AFAP1: variants seen among roughly 807,000 people sequenced by gnomAD.
AFAP1 encodes actin filament associated protein 1.
Under a neutral mutation model 93.9 loss-of-function variants are expected in AFAP1, and 75 were observed. The ratio of observed to expected loss-of-function variants is 0.80; its 90% CI spans 0.66 to 0.97. The LOEUF is 0.97. AFAP1 is among the 50% of genes least tolerant of loss of function. AFAP1 has a pLI of 0.00. For synonymous variants in AFAP1, 517 were observed against 430.7 expected (o/e 1.20, Z -2.48); for missense variants, 1,201 against 1,050.8 (o/e 1.14, Z -1.98).
chr4:7,862,198 T>C (rs1715781203), intron 3 of AFAP1: 1 of 152,184 alleles, frequency 6.6e-6, no homozygotes, highest in South Asian at 2.1e-4. Context: ...CCAGGTGTGA[T>C]GGTGTACATC....
At chr4:7,860,523 T>C (rs1230585135) in intron 3 of AFAP1, among the ~76,000 whole-genome samples, 2 of 152,174 alleles carry the variant, frequency 1.3e-5, no homozygotes, top group Admixed American at 1.3e-4. Flanking sequence ...TGATACATAT[T>C]TTCTCTCGTT....
At chr4:7,878,502 G>A (rs1321092069) in intron 1 of AFAP1, among the ~76,000 whole-genome samples, 2 of 152,194 alleles carry the variant, frequency 1.3e-5, no homozygotes, top group African/African-American at 4.8e-5. Context: ...CTTCTCCAAG[G>A]TCAAGAACAA....
intron 3 of AFAP1, among the ~76,000 whole-genome samples, chr4:7,867,121 G>GGGAGGGGAGC (rs1560209657): frequency 1.3e-5 from 1 of 79,230 alleles, no homozygotes; most frequent in Non-Finnish European, 3.1e-5. Flanking sequence ...GGGAGGGGAG[G>GGGAGGGGAGC]GTAGGGGAGC....
Position 7,819,079 on chromosome 4 carries a change from C to T in AFAP1, c.819G>A (p.Glu273=), listed in dbSNP as rs769573345. 1.9e-6 allele frequency: 3 copies of T among 1,609,838 alleles called. No homozygotes were observed. The highest frequency in any genetic ancestry group is 4.5e-5 in the East Asian group (2 of 44,764). ...PSSPVHKAEL[E]KKLSSERPSS... ...CCAGCAAGAGCAGCGCCCTTACCTTCTCCAGTTCTGCCTTGTGCACCGGGG... is the reference window on the plus strand; with the variant it reads ...CCAGCAAGAGCAGCGCCCTTACCTTTTCCAGTTCTGCCTTGTGCACCGGGG... Residue 273 remains glutamate, a synonymous_variant, in exon 7 of 18, where the codon GAG becomes GAA. Transcript: ENST00000420658.
intron 3 of AFAP1, among the ~76,000 whole-genome samples, chr4:7,857,091 G>A (rs1243562094): frequency 6.6e-6 from 1 of 152,010 alleles, no homozygotes; most frequent in African/African-American, 2.4e-5. Flanking sequence ...TGAATAGCAT[G>A]CAACAATTTC....
At chr4:7,784,109 G>C (rs1018742948) in intron 12 of AFAP1, among the ~76,000 whole-genome samples, 8 of 152,118 alleles carry the variant, frequency 5.3e-5, no homozygotes, top group Non-Finnish European at 1.0e-4. Context: ...ATCTTAAGCA[G>C]GAAGAACTCG....
At chr4:7,898,904 AAT>A (rs1279839054) in intron 1 of AFAP1, among the ~76,000 whole-genome samples, 2 of 149,474 alleles carry the variant, frequency 1.3e-5, no homozygotes, top group Admixed American at 6.7e-5. Context: ...GAGAGGGAGA[AAT>A]ATATATGTGT....
At chr4:7,917,694 A>G (rs1181230369) in intron 1 of AFAP1, among the ~76,000 whole-genome samples, 1 of 152,130 alleles carries the variant, frequency 6.6e-6, no homozygotes. Flanking sequence ...TCTTGGTCCA[A>G]TGGCCCAAAA....
intron 12 of AFAP1, among the ~76,000 whole-genome samples, chr4:7,783,867 C>G (rs1187592577): frequency 1.3e-5 from 2 of 152,144 alleles, no homozygotes; most frequent in African/African-American, 2.4e-5. Flanking sequence ...GTGAAAGGGT[C>G]TTTGGGGGGG....
In AFAP1 at chr4:7,772,931, G is replaced by A. The variant is rs372070431; in HGVS notation, c.2142C>T (p.Val714=). 2.8e-5 allele frequency: 45 copies of A among 1,613,798 alleles called. No individual in the cohort carries two copies. Among genetic ancestry groups the A allele is most frequent in the Non-Finnish European group, 3.7e-5 (44 of 1,180,044 alleles). ...EECRQKEAER[V]SLELELTEVK... is the part of the protein sequence containing the mutation. ...CCTCCGTCAGCTCCAGCTCCAGGCT[G>A]ACACGCTCCGCCTCCTTCTGCCGGC... Residue 714 remains valine (V), a synonymous_variant, in exon 16 of 18, where the codon GTC becomes GTT. Coordinates refer to ENST00000420658, the MANE Select transcript of AFAP1 (RefSeq NM_001134647.2).
intron 4 of AFAP1, among the ~76,000 whole-genome samples, chr4:7,853,509 C>G (rs1714693862): frequency 6.6e-6 from 1 of 152,148 alleles, no homozygotes; most frequent in Admixed American, 6.5e-5. Context: ...TCTGTCCCTC[C>G]TCTTCCCCAG....
intron 7 of AFAP1, among the ~76,000 whole-genome samples, chr4:7,817,874 G>A (rs920698233): frequency 5.3e-5 from 8 of 151,466 alleles, no homozygotes. Flanking sequence ...GTGTTAAGAC[G>A]AGCTGCATCC....
chr4:7,803,782 G>A (rs1296019800), intron 9 of AFAP1, among the ~76,000 whole-genome samples: 1 of 152,246 alleles, frequency 6.6e-6, no homozygotes, highest in African/African-American at 2.4e-5. Flanking sequence ...AGCTGTAAAA[G>A]GGATGATTAT....
intron 8 of AFAP1, among the ~76,000 whole-genome samples, chr4:7,811,107 G>C (rs1719989669): frequency 6.6e-6 from 1 of 152,220 alleles, no homozygotes; most frequent in Admixed American, 6.5e-5. Context: ...CAGCACTGGA[G>C]CTGAGGGGAG....
chr4:7,782,257 G>A (rs1488417710), intron 12 of AFAP1, among the ~76,000 whole-genome samples: 4 of 152,354 alleles, frequency 2.6e-5, no homozygotes, highest in East Asian at 3.9e-4. Context: ...ATCCCCACGC[G>A]GTGCTCCCGC....
At chr4:7,766,019 G>T (rs1320798589) in intron 17 of AFAP1, among the ~76,000 whole-genome samples, 1 of 152,186 alleles carries the variant, frequency 6.6e-6, no homozygotes, top group Non-Finnish European at 1.5e-5. Flanking sequence ...TGAGTACACT[G>T]CACGTCTCCG....
At chr4:7,808,126 C>A (rs1341281856) in intron 9 of AFAP1, among the ~76,000 whole-genome samples, 1 of 152,208 alleles carries the variant, frequency 6.6e-6, no homozygotes, top group Non-Finnish European at 1.5e-5. Flanking sequence ...TGGGCTCACA[C>A]TGCAGGGAGC....
chr4:7,792,250 A>G (rs2149007548), intron 11 of AFAP1, among the ~76,000 whole-genome samples: 1 of 152,302 alleles, frequency 6.6e-6, no homozygotes, highest in South Asian at 2.1e-4. Context: ...GACTCACATT[A>G]AAATCCAGTC....
chr4:7,855,869 C>G (rs1714994167), intron 3 of AFAP1, among the ~76,000 whole-genome samples: 1 of 152,214 alleles, frequency 6.6e-6, no homozygotes, highest in African/African-American at 2.4e-5. Flanking sequence ...ATGCCCCTTC[C>G]CCCACGCAGG....
Sources: allele counts gnomAD v4.1 joint callset (sites outside exome capture counted in the v4.1 genomes callset), GRCh38; gene constraint gnomAD v4.1.1; transcripts MANE v1.5; gene names NCBI Gene and HGNC (gene_info 2026-07-23, HGNC 2026-07-21).